The following RFPL2 variants were observed in gnomAD, a reference collection of about 807,000 sequenced individuals.
The protein encoded by RFPL2 is ret finger protein like 2.
Under a neutral mutation model 17.8 loss-of-function variants are expected in RFPL2, and 13 were observed. The observed-to-expected ratio is 0.73, with a 90% CI of 0.47 to 1.16. The LOEUF is 1.16. Ranked by LOEUF, RFPL2 falls within the 50% of genes most tolerant of loss-of-function variation. The pLI is 0.00. For synonymous variants in RFPL2, 189 were observed against 180.9 expected (o/e 1.04, Z -0.36); for missense variants, 431 against 479.3 (o/e 0.90, Z 0.94).
rs1341565570 is a variant in RFPL2, at chr22:32,193,544, A to C, written c.266-352T>G. Reference sequence around the variant, plus strand: ...CTCCTCCTAGGGGAACCCCAGCAAGAGACTGATTGATGAACATAAGAATTA... The same window carrying C: ...CTCCTCCTAGGGGAACCCCAGCAAGCGACTGATTGATGAACATAAGAATTA... On this transcript the variant is annotated intron_variant, in intron 3 of 4. Transcript: ENST00000652607. 1.5e-5 allele frequency: 20 copies of C among 1,299,620 alleles called. No individual in the cohort carries two copies. In the African/African-American group the frequency reaches 2.7e-4, roughly 17 times the overall value. The allele number at this position is 1,299,620 out of a possible 1,614,324, so 80.5% of individuals were successfully genotyped here. A position where few individuals can be genotyped will look rare whatever the true frequency, so the allele number is the denominator to read the frequency against.
In RFPL2 at chr22:32,191,231, C is replaced by T. The variant is rs1349462463; in HGVS notation, c.678G>A (p.Val226=). The T allele has an allele frequency of 6.2e-7, 1 of 1,613,838 alleles. No individual in the cohort carries two copies. Among genetic ancestry groups the T allele is most frequent in the Non-Finnish European group, 8.5e-7 (1 of 1,179,874 alleles). ...NRQDLAERFD[V]SVCILGSPRF... is the part of the protein sequence containing the mutation. ...GAGGGGAGCCCAGGATGCAAACGGA[C>T]ACGTCAAATCTCTCGGCAAGGTCTT... The change falls in exon 5 of 5, where the codon GTG becomes GTA. Residue 226 remains valine, a synonymous_variant. Transcript: ENST00000652607.
chr22:32,193,307 C>T (rs3959625), intron 3 of RFPL2, 115 bp from the exon 4 acceptor site: 2 of 1,578,100 alleles, frequency 1.3e-6, no homozygotes, highest in Admixed American at 1.7e-5. Context: ...CTTTGTCACT[C>T]CGAGAATAAG....
rs143381533 is a variant in RFPL2, at chr22:32,202,910, T to A, written c.-99-360A>T. On this transcript the variant is annotated intron_variant, in intron 1 of 4. Transcript: ENST00000652607. Reference sequence around the variant, plus strand: ...GTGTCCACTACTGCGTGCCCCGGGGTCCCAGGCGGTCTCTGCAACACAGAG... The same window carrying A: ...GTGTCCACTACTGCGTGCCCCGGGGACCCAGGCGGTCTCTGCAACACAGAG... 122 of 998,050 alleles carry A rather than the reference T, an allele frequency of 1.2e-4. 1 individual carries two copies. In the East Asian group the frequency reaches 0.012, roughly 97 times the overall value. 61.8% of individuals were successfully genotyped at this position (998,050 alleles called of 1,614,324 possible).
intron 1 of RFPL2, among the ~76,000 whole-genome samples, 42 bp downstream of exon 1, chr22:32,204,665 C>G (rs927352399): frequency 6.6e-6 from 1 of 152,234 alleles, no homozygotes; most frequent in South Asian, 2.1e-4. Context: ...CTGCTGCAGG[C>G]TTTCAAGCCT....
At chr22:32,194,242 G>T in intron 3 of RFPL2, 103 bp downstream of exon 3, 1 of 1,377,050 alleles carries the variant, frequency 7.3e-7, no homozygotes, top group Non-Finnish European at 9.8e-7. Flanking sequence ...GACGGCCTTT[G>T]TTGAATTCAT....
intron 3 of RFPL2, chr22:32,193,463 T>A: frequency 1.4e-6 from 2 of 1,442,332 alleles, no homozygotes; most frequent in Non-Finnish European, 1.8e-6. Context: ...CAGCTGAGCC[T>A]GAGCCAGTGA....
At chr22:32,197,449 G>A (rs1440534489) in intron 2 of RFPL2, among the ~76,000 whole-genome samples, 1 of 150,810 alleles carries the variant, frequency 6.6e-6, no homozygotes, top group Non-Finnish European at 1.5e-5. Context: ...ATTCTGGGGT[G>A]CATGCGCACA....
chr22:32,191,264 C>A lies in RFPL2; in HGVS notation c.645G>T (p.Gln215His), dbSNP rs56240743. The A allele has an allele frequency of 9.2e-3, 14,787 of 1,613,916 alleles. 1,210 individuals carry two copies. The African/African-American group carries it at 0.17, about 19-fold the overall frequency. Residue 215 changes from glutamine (Q) to histidine (H), a missense_variant, in exon 5 of 5, where the codon CAG becomes CAT. Gln to His is a conservative substitution (Grantham distance 24). Coordinates refer to ENST00000652607, the MANE Select transcript of RFPL2 (RefSeq NM_001394555.1). ...ATCTCTCGGCAAGGTCTTGCCGATTCTGTCTGATGCGCCCACTTCGGACGC... is the reference window on the plus strand; with the variant it reads ...ATCTCTCGGCAAGGTCTTGCCGATTATGTCTGATGCGCCCACTTCGGACGC... The part of the protein sequence containing the change: ...LRSVRSGRIR[Q>H]NRQDLAERFD...
rs200552985 is a variant in RFPL2 at position 32,193,083 on chromosome 22, A to G, written c.375T>C (p.Ile125=). 2.3e-4 allele frequency: 373 copies of G among 1,613,714 alleles called. 1 individual carries two copies. The African/African-American group carries it at 4.0e-3, about 17-fold the overall frequency. ...CATGGGGCTCCTTCTGCAGTGAATT[A>G]ATGCACTTGAGGCAGACGGCGCATC... ...ECGCAVCLKC[I]NSLQKEPHGE... Residue 125 remains isoleucine, a synonymous_variant, in exon 4 of 5, where the codon ATT becomes ATC. Coordinates refer to ENST00000652607, the MANE Select transcript of RFPL2 (RefSeq NM_001394555.1).
At chr22:32,203,090 C>T (rs1924117673) in intron 1 of RFPL2, 1 of 985,846 alleles carries the variant, frequency 1.0e-6, no homozygotes, top group African/African-American at 1.7e-5. Flanking sequence ...TCACTGACAC[C>T]TCCACCGCCC....
Position 32,190,684 on chromosome 22 carries a change from T to C in RFPL2, c.*88A>G. 4 of 1,332,602 alleles carry C rather than the reference T, an allele frequency of 3.0e-6. No homozygotes were observed. Among genetic ancestry groups the C allele is most frequent in the Non-Finnish European group, 4.1e-6 (4 of 980,050 alleles). The allele number at this position is 1,332,602 out of a possible 1,614,324, so 82.5% of individuals were successfully genotyped here. The stretch of plus-strand genomic sequence containing the variant: ...CCCATATTTTTCTCCCGTGACTTTG[T>C]ATAATGCTTTTACGAAGTAGAGCGT... On this transcript the variant is annotated 3_prime_UTR_variant, in exon 5 of 5. Coordinates refer to ENST00000652607, the MANE Select transcript of RFPL2 (RefSeq NM_001394555.1).
intron 2 of RFPL2, among the ~76,000 whole-genome samples, chr22:32,197,572 G>A (rs1007701466): frequency 2.0e-5 from 3 of 151,584 alleles, no homozygotes; most frequent in Admixed American, 6.6e-5. Context: ...CCCATCCCAC[G>A]ACAGGCCCTG....
chr22:32,193,779 C>T (rs1171687914), intron 3 of RFPL2, among the ~76,000 whole-genome samples: 2 of 148,620 alleles, frequency 1.3e-5, no homozygotes, highest in African/African-American at 5.0e-5. Context: ...AGGAGAATCA[C>T]TTGAACCTGG....
At position 32,192,948 on chromosome 22, in the gene RFPL2, C is replaced by T. The variant is rs1922844605; in HGVS notation, c.510G>A (p.Lys170=). The T allele has an allele frequency of 6.2e-7, 1 of 1,613,978 alleles. No homozygotes were observed. Among genetic ancestry groups the T allele is most frequent in the Admixed American group, 1.7e-5 (1 of 59,998 alleles). ...GGTTCATCTGCAGAATCTTCTTCAG[C>T]TTGGGCTCCAGTTCCTTGATGTGGG... ...LASHIKELEP[K]LKKILQMNPR... Residue 170 remains lysine, a synonymous_variant, in exon 4 of 5, where the codon AAG becomes AAA. Coordinates refer to ENST00000652607, the MANE Select transcript of RFPL2 (RefSeq NM_001394555.1).
rs1180485407 is a variant in RFPL2 at position 32,204,967 on chromosome 22, C to T, written c.-360G>A. On this transcript the variant is annotated 5_prime_UTR_variant, in exon 1 of 5. Coordinates refer to ENST00000652607, the MANE Select transcript of RFPL2 (RefSeq NM_001394555.1). ...TAGAGGTTTCTCTCATCCGATCAGA[C>T]TATGTAGTCGAGAAACTTCATTTGC... is the stretch of plus-strand genomic sequence containing the variant. 6.6e-6 allele frequency: 1 copy of T among 152,230 alleles called. No homozygotes were observed. Among genetic ancestry groups the T allele is most frequent in the Non-Finnish European group, 1.5e-5 (1 of 68,048 alleles). The allele number at this position is 152,230 out of a possible 1,614,324, so 9.4% of individuals were successfully genotyped here.
intron 1 of RFPL2, chr22:32,203,302 T>G (rs1603213376): frequency 7.6e-5 from 12 of 158,754 alleles, no homozygotes; most frequent in Non-Finnish European, 1.6e-4. Flanking sequence ...ACTCCCGGGA[T>G]AGCGCCCCAA....
chr22:32,200,145 C>G (rs1044724697), intron 2 of RFPL2: 3 of 383,490 alleles, frequency 7.8e-6, no homozygotes, highest in African/African-American at 6.6e-5. Context: ...GACACCCCAT[C>G]AATGGAGGTC....
At chr22:32,193,630 G>C (rs1374694637) in intron 3 of RFPL2, among the ~76,000 whole-genome samples, 1 of 152,186 alleles carries the variant, frequency 6.6e-6, no homozygotes, top group African/African-American at 2.4e-5. Flanking sequence ...GGCCAAGGTG[G>C]GTGGATCATC....
intron 1 of RFPL2, chr22:32,203,103 C>A: frequency 3.0e-6 from 3 of 985,844 alleles, no homozygotes; most frequent in Non-Finnish European, 3.6e-6. Context: ...CACCGCCCGC[C>A]ACCGGCAGTG....
Sources: gnomAD v4.1 joint callset for allele counts (sites outside exome capture counted in the v4.1 genomes callset) on GRCh38, gnomAD v4.1.1 for gene constraint, MANE v1.5 for transcripts, NCBI Gene and HGNC (gene_info 2026-07-23, HGNC 2026-07-21) for gene names.